The following PRKG1 variants were observed in gnomAD, a reference collection of about 807,000 sequenced individuals.
PRKG1 encodes cGMP-dependent protein kinase 1.
Under a neutral mutation model 88.1 loss-of-function variants are expected in PRKG1, and 35 were observed. The ratio of observed to expected loss-of-function variants is 0.40; its 90% confidence interval spans 0.30 to 0.53. The LOEUF is 0.53. Among genes scored for constraint, PRKG1 ranks in the 20% least tolerant of loss-of-function variants. The pLI is 0.59. For synonymous variants in PRKG1, 303 were observed against 292.5 expected, an observed-to-expected ratio of 1.04 and a Z score of -0.37; for missense variants, 540 against 839.8, an observed-to-expected ratio of 0.64 and a Z score of 4.41.
intron 1 of PRKG1, among the ~76,000 whole-genome samples, chr10:51,100,534 A>C (rs2049333055): frequency 6.6e-6 from 1 of 152,224 alleles, no homozygotes. Context: ...TGGTTGATAG[A>C]ATATCAAAAT....
At chr10:51,755,765 C>A (rs1032993262) in intron 3 of PRKG1, among the ~76,000 whole-genome samples, 1 of 152,158 alleles carries the variant, frequency 6.6e-6, no homozygotes, top group African/African-American at 2.4e-5. Context: ...CACATATTAC[C>A]TTTCCTGTGT....
chr10:51,667,601 G>T (rs937963881), intron 3 of PRKG1, among the ~76,000 whole-genome samples: 1 of 152,104 alleles, frequency 6.6e-6, no homozygotes, highest in Non-Finnish European at 1.5e-5. Flanking sequence ...GGGTTCCGGG[G>T]ACTATAAACA....
intron 1 of PRKG1, among the ~76,000 whole-genome samples, chr10:50,999,686 A>T (rs997924073): frequency 5.3e-5 from 8 of 152,214 alleles, no homozygotes; most frequent in Non-Finnish European, 1.2e-4. Flanking sequence ...ATTGTCTAAT[A>T]AGCAAATCTA....
At chr10:51,864,715 C>A (rs545217415) in intron 4 of PRKG1, among the ~76,000 whole-genome samples, 20 of 152,094 alleles carry the variant, frequency 1.3e-4, no homozygotes, top group Non-Finnish European at 2.2e-4. Flanking sequence ...TTTCTAGCAA[C>A]AATATGTTTC....
At chr10:51,721,817 T>C (rs1842020330) in intron 3 of PRKG1, among the ~76,000 whole-genome samples, 1 of 152,228 alleles carries the variant, frequency 6.6e-6, no homozygotes, top group Non-Finnish European at 1.5e-5. Flanking sequence ...ATTTTCAGTC[T>C]ATAACCATGT....
intron 5 of PRKG1, among the ~76,000 whole-genome samples, chr10:51,982,401 T>A (rs1396065533): frequency 1.3e-5 from 2 of 152,206 alleles, no homozygotes; most frequent in Admixed American, 6.5e-5. Context: ...GCTTTCTGAG[T>A]TGTCAGAGTT....
intron 2 of PRKG1, among the ~76,000 whole-genome samples, chr10:51,208,931 C>G (rs985928671): frequency 5.3e-5 from 8 of 152,144 alleles, no homozygotes; most frequent in Non-Finnish European, 1.0e-4. Context: ...GTGTTCTCAT[C>G]AATTTATTTC....
chr10:51,432,611 C>T (rs936267999), intron 2 of PRKG1, among the ~76,000 whole-genome samples: 1 of 152,098 alleles, frequency 6.6e-6, no homozygotes, highest in Non-Finnish European at 1.5e-5. Context: ...TGGCAATAGT[C>T]GCTGGAAAAT....
intron 2 of PRKG1, among the ~76,000 whole-genome samples, chr10:51,406,169 C>T (rs941075238): frequency 6.6e-6 from 1 of 152,118 alleles, no homozygotes; most frequent in African/African-American, 2.4e-5. Context: ...GCCACTCCAG[C>T]CCCACTGCCT....
intron 3 of PRKG1, among the ~76,000 whole-genome samples, chr10:51,689,910 G>A (rs1410981960): frequency 1.3e-5 from 2 of 152,152 alleles, no homozygotes; most frequent in African/African-American, 4.8e-5. Context: ...TGCGACATTG[G>A]TATACTTAAG....
chr10:51,230,039 T>C (rs1838801544), intron 2 of PRKG1, among the ~76,000 whole-genome samples: 1 of 151,958 alleles, frequency 6.6e-6, no homozygotes, highest in Non-Finnish European at 1.5e-5. Flanking sequence ...CACTTGTAAG[T>C]GCTATTTTTC....
At chr10:51,949,302 A>G (rs145088417) in intron 5 of PRKG1, among the ~76,000 whole-genome samples, 1 of 152,282 alleles carries the variant, frequency 6.6e-6, no homozygotes, top group African/African-American at 2.4e-5. Flanking sequence ...ACCTAGTTGC[A>G]TTGGGCTTTG....
intron 5 of PRKG1, among the ~76,000 whole-genome samples, chr10:51,948,549 C>CGT (rs201705619): frequency 3.4e-5 from 5 of 147,084 alleles, no homozygotes; most frequent in Admixed American, 2.7e-4. Context: ...TGTGTGTGTG[C>CGT]GTGTGTGTGT....
chr10:51,682,755 T>C (rs1840883175), intron 3 of PRKG1, among the ~76,000 whole-genome samples: 1 of 152,184 alleles, frequency 6.6e-6, no homozygotes, highest in Non-Finnish European at 1.5e-5. Flanking sequence ...GGTTAGTATG[T>C]GCTAGAGCCA....
chr10:51,852,765 A>T (rs1264294110), intron 4 of PRKG1, among the ~76,000 whole-genome samples: 1 of 152,214 alleles, frequency 6.6e-6, no homozygotes, highest in Non-Finnish European at 1.5e-5. Context: ...ACTTCTTGTC[A>T]TCTGGCACCA....
intron 3 of PRKG1, among the ~76,000 whole-genome samples, chr10:51,608,197 G>C (rs983439870): frequency 6.6e-6 from 1 of 152,122 alleles, no homozygotes; most frequent in Non-Finnish European, 1.5e-5. Context: ...AACCGTAATA[G>C]GTTTGTTGCC....
chr10:51,721,238 A>C (rs968988000), intron 3 of PRKG1, among the ~76,000 whole-genome samples: 6 of 151,844 alleles, frequency 4.0e-5, no homozygotes, highest in Non-Finnish European at 8.8e-5. Flanking sequence ...AAAAAGAAAA[A>C]AAAAGTAAAA....
At position 51,651,686 on chromosome 10, in the gene PRKG1, C is replaced by T. The variant is rs781011707; in HGVS notation, c.593-152899C>T. ...GCAACCTCTGCCTCCCAGGTTCAAG[C>T]GATTCTCCTGCCTCAGCCTCCCGAG... On this transcript the variant is annotated intron_variant, in intron 3 of 17. Transcript: ENST00000373980. Among the ~76,000 whole-genome samples, 5 of 151,736 alleles carry T rather than the reference C, an allele frequency of 3.3e-5. No homozygotes were observed. The East Asian group carries it at 7.8e-4, about 24-fold the overall frequency.
chr10:51,971,809 T>C (rs1843720249), intron 5 of PRKG1, among the ~76,000 whole-genome samples: 1 of 152,166 alleles, frequency 6.6e-6, no homozygotes, highest in Non-Finnish European at 1.5e-5. Context: ...GAGTTGCTGA[T>C]TGAGTGTTCA....
Sources: gnomAD v4.1 joint callset for allele counts (sites outside exome capture counted in the v4.1 genomes callset) on GRCh38, gnomAD v4.1.1 for gene constraint, MANE v1.5 for transcripts, NCBI Gene and HGNC (gene_info 2026-07-23, HGNC 2026-07-21) for gene names.